NSUN6: variants seen among roughly 807,000 people sequenced by gnomAD.
NSUN6 encodes the protein NOP2/Sun RNA methyltransferase 6, also known as tRNA (cytosine(72)-C(5))-methyltransferase NSUN6.
In NSUN6, 64 loss-of-function variants were observed where a neutral mutation model predicts 58.0. The ratio of observed to expected loss-of-function variants is 1.10; its 90% CI spans 0.90 to 1.36. The LOEUF (loss-of-function observed/expected upper bound fraction) is 1.36, where lower values mean the gene tolerates loss of function less well. NSUN6 is among the 40% of genes most tolerant of loss of function. The probability of loss-of-function intolerance (pLI) is 0.00; values close to 1 mark genes in which losing one functional copy is unlikely to be tolerated. For missense variants in NSUN6, 701 were observed against 550.1 expected (o/e 1.27, Z -2.74); for synonymous variants, 231 against 193.9 (o/e 1.19, Z -1.59).
chr10:18,641,022 G>A (rs1044296324), intron 3 of NSUN6, among the ~76,000 whole-genome samples: 21 of 151,970 alleles, frequency 1.4e-4, no homozygotes, highest in African/African-American at 5.1e-4. Flanking sequence ...CCACAGTTGT[G>A]TACTTTTATT....
intron 3 of NSUN6, among the ~76,000 whole-genome samples, chr10:18,629,409 A>G (rs1270442654): frequency 6.6e-6 from 1 of 151,864 alleles, no homozygotes; most frequent in East Asian, 1.9e-4. Flanking sequence ...TAACAATATT[A>G]ACTTTAAATG....
chr10:18,618,682 C>CAAAAAAA (rs35116933), intron 3 of NSUN6, among the ~76,000 whole-genome samples: 2 of 51,474 alleles, frequency 3.9e-5, no homozygotes, highest in African/African-American at 6.9e-5. Flanking sequence ...AACTCCATCT[C>CAAAAAAA]AAAAAAAAAA....
chr10:18,635,606 G>C (rs191581221), intron 3 of NSUN6, among the ~76,000 whole-genome samples: 5 of 152,262 alleles, frequency 3.3e-5, no homozygotes, highest in Non-Finnish European at 7.4e-5. Context: ...GGAAGCCAAG[G>C]TGGGTGGATC....
intron 3 of NSUN6, among the ~76,000 whole-genome samples, chr10:18,623,760 C>G (rs2131408348): frequency 6.6e-6 from 1 of 152,242 alleles, no homozygotes; most frequent in South Asian, 2.1e-4. Flanking sequence ...GTTATCTAAG[C>G]AGAGATTAAA....
At chr10:18,601,655 C>T (rs1279161983) in intron 6 of NSUN6, among the ~76,000 whole-genome samples, 1 of 152,102 alleles carries the variant, frequency 6.6e-6, no homozygotes, top group African/African-American at 2.4e-5. Flanking sequence ...TTCCCCAAAC[C>T]AGCTGGATTA....
chr10:18,567,185 C>CATCACTGTATTCATCACTG, intron 8 of NSUN6, among the ~76,000 whole-genome samples: 1 of 150,738 alleles, frequency 6.6e-6, no homozygotes, highest in Non-Finnish European at 1.5e-5. Context: ...ATTCCATTCT[C>CATCACTGTATTCATCACTG]CCTTCCAGCC....
chr10:18,582,013 T>G (rs190693141), intron 8 of NSUN6, among the ~76,000 whole-genome samples: 54 of 152,222 alleles, frequency 3.5e-4, no homozygotes, highest in Non-Finnish European at 2.9e-5. Flanking sequence ...AGTAACATAA[T>G]TACTGGAGTT....
intron 8 of NSUN6, among the ~76,000 whole-genome samples, chr10:18,564,951 C>A (rs543121986): frequency 6.7e-6 from 1 of 149,668 alleles, no homozygotes; most frequent in South Asian, 2.1e-4. Flanking sequence ...TCATTGCATT[C>A]TATTCTTCAT....
intron 6 of NSUN6, among the ~76,000 whole-genome samples, chr10:18,606,427 G>A (rs2058050796): frequency 6.6e-6 from 1 of 152,130 alleles, no homozygotes; most frequent in Admixed American, 6.5e-5. Flanking sequence ...ATGATTAAAT[G>A]CAGTGTGGGA....
At chr10:18,572,237 C>T (rs1484601010) in intron 8 of NSUN6, among the ~76,000 whole-genome samples, 1 of 145,000 alleles carries the variant, frequency 6.9e-6, no homozygotes, top group African/African-American at 2.8e-5. Flanking sequence ...TTCCCTTCCC[C>T]ATTGCATTGT....
At chr10:18,603,477 T>C (rs973228005) in intron 6 of NSUN6, among the ~76,000 whole-genome samples, 4 of 150,008 alleles carry the variant, frequency 2.7e-5, no homozygotes, top group Non-Finnish European at 4.5e-5. Context: ...TCTTTTCTTT[T>C]CTTTTTTTTT....
chr10:18,570,891 TTCCATTCCATTC>T (rs899337904), intron 8 of NSUN6, among the ~76,000 whole-genome samples: 2 of 151,586 alleles, frequency 1.3e-5, no homozygotes, highest in South Asian at 2.1e-4. Flanking sequence ...GCATTCTCCA[TTCCATTCCATTC>T]TCCATTCCAT....
chr10:18,626,594 C>G (rs1302989759), intron 3 of NSUN6, among the ~76,000 whole-genome samples: 1 of 152,114 alleles, frequency 6.6e-6, no homozygotes, highest in East Asian at 1.9e-4. Flanking sequence ...ATGGTGAAAC[C>G]CTGTCTCTAC....
At chr10:18,615,907 A>G (rs2058392196) in intron 4 of NSUN6, among the ~76,000 whole-genome samples, 1 of 152,160 alleles carries the variant, frequency 6.6e-6, no homozygotes, top group African/African-American at 2.4e-5. Context: ...AAAACAAAAC[A>G]GAAGTTCATT....
rs369453353 is a variant in NSUN6, at chr10:18,574,994, C to G, written c.922+10955G>C. The stretch of plus-strand genomic sequence containing the variant: ...TCACTTAACTCCCCATCTCCCTCCT[C>G]CTACTGTAATCCCCATTTTCTCTTC... On this transcript the variant is annotated intron_variant, in intron 8 of 10. Coordinates refer to ENST00000377304, the MANE Select transcript of NSUN6 (RefSeq NM_182543.5). Among the ~76,000 whole-genome samples the G allele has an allele frequency of 1.2e-4, 18 of 152,244 alleles. No individual in the cohort carries two copies. The East Asian group carries it at 1.5e-3, about 13-fold the overall frequency.
At chr10:18,645,157 C>CAAAAA (rs71402191) in intron 2 of NSUN6, among the ~76,000 whole-genome samples, 5 of 106,304 alleles carry the variant, frequency 4.7e-5, no homozygotes, top group Admixed American at 9.9e-5. Flanking sequence ...GACTCCCTCT[C>CAAAAA]AAAAAAAAAA....
At chr10:18,593,083 C>A (rs892877586) in intron 7 of NSUN6, among the ~76,000 whole-genome samples, 2 of 152,108 alleles carry the variant, frequency 1.3e-5, no homozygotes, top group South Asian at 4.1e-4. Flanking sequence ...AACATTTATG[C>A]TGCCAATAAA....
At chr10:18,629,376 A>C (rs1347628716) in intron 3 of NSUN6, among the ~76,000 whole-genome samples, 2 of 152,004 alleles carry the variant, frequency 1.3e-5, no homozygotes, top group African/African-American at 4.8e-5. Context: ...CTAACATCAT[A>C]ATGACAGGAT....
Position 18,632,374 on chromosome 10 carries a change from G to A in NSUN6, c.311+10102C>T, listed in dbSNP as rs1410120417. Among the ~76,000 whole-genome samples, 19 of 127,978 alleles carry A rather than the reference G, an allele frequency of 1.5e-4. 1 individual carries two copies. In the Admixed American group the frequency reaches 1.5e-3, roughly 10 times the overall value. The allele number at this position is 127,978 out of a possible 152,430, so 84.0% of individuals were successfully genotyped here. ...GGACTTCATGTCTAAAACACCAAAA[G>A]CAATGGCAACCAAAGCCAAAATTGA... On this transcript the variant is annotated intron_variant, in intron 3 of 10. Transcript: ENST00000377304.
Sources: allele counts gnomAD v4.1 joint callset (sites outside exome capture counted in the v4.1 genomes callset), GRCh38; gene constraint gnomAD v4.1.1; transcripts MANE v1.5; gene names NCBI Gene and HGNC (gene_info 2026-07-23, HGNC 2026-07-21).